The following CDH18 variants were observed in gnomAD, a reference collection of about 807,000 sequenced individuals.
The protein encoded by CDH18 is cadherin 18, also known as cadherin-18.
A neutral mutation model predicts 67.9 loss-of-function variants in CDH18; 31 were observed. That is an observed-to-expected ratio of 0.46 (90% CI 0.34 to 0.62). The LOEUF is 0.62. CDH18 is among the 20% of genes least tolerant of loss of function. The pLI is 0.01. For missense variants in CDH18, 890 were observed against 975.5 expected (o/e 0.91, Z 1.17); for synonymous variants, 362 against 347.2 (o/e 1.04, Z -0.48).
chr5:20,283,075 G>A (rs1367594769), intron 1 of CDH18, among the ~76,000 whole-genome samples: 1 of 151,968 alleles, frequency 6.6e-6, no homozygotes, highest in Non-Finnish European at 1.5e-5. Context: ...ATGCAGAAAA[G>A]TCAAACTAGA....
chr5:20,400,606 A>AT (rs2150128619), intron 1 of CDH18, among the ~76,000 whole-genome samples: 1 of 151,202 alleles, frequency 6.6e-6, no homozygotes, highest in East Asian at 1.9e-4. Flanking sequence ...TACAAAAAAA[A>AT]AAACCAGCGA....
intron 5 of CDH18, among the ~76,000 whole-genome samples, chr5:19,718,126 T>C (rs370344222): frequency 3.3e-5 from 5 of 151,966 alleles, no homozygotes; most frequent in South Asian, 4.1e-4. Context: ...TACTCAGAGA[T>C]GGTTTACAAA....
At chr5:19,482,143 T>C (rs1457641217) in intron 12 of CDH18, among the ~76,000 whole-genome samples, 1 of 151,968 alleles carries the variant, frequency 6.6e-6, no homozygotes, top group African/African-American at 2.4e-5. Context: ...TGAGACTGAG[T>C]CTCACTTTGT....
chr5:20,452,570 C>T (rs551022460), intron 1 of CDH18, among the ~76,000 whole-genome samples: 3 of 152,000 alleles, frequency 2.0e-5, no homozygotes, highest in African/African-American at 7.2e-5. Flanking sequence ...ACAACATGGA[C>T]GCCAAGATGG....
intron 2 of CDH18, among the ~76,000 whole-genome samples, chr5:20,239,490 C>T (rs1031075870): frequency 8.6e-5 from 13 of 151,760 alleles, no homozygotes; most frequent in South Asian, 2.1e-4. Flanking sequence ...AAAGAAGTTC[C>T]GGTAAATGCA....
chr5:19,774,426 T>TAAAA (rs146014082), intron 3 of CDH18, among the ~76,000 whole-genome samples: 1 of 139,450 alleles, frequency 7.2e-6, no homozygotes, highest in Non-Finnish European at 1.5e-5. Flanking sequence ...TAAAATAAAA[T>TAAAA]TAAAATAAAA....
At chr5:19,694,547 G>T (rs1762300113) in intron 5 of CDH18, among the ~76,000 whole-genome samples, 1 of 151,978 alleles carries the variant, frequency 6.6e-6, no homozygotes, top group Admixed American at 6.6e-5. Context: ...AATAATAACA[G>T]ATATTTAATA....
At chr5:19,623,982 CATTATTATTATTATT>C (rs70950078) in intron 5 of CDH18, among the ~76,000 whole-genome samples, 6 of 139,822 alleles carry the variant, frequency 4.3e-5, no homozygotes, top group Non-Finnish European at 6.1e-5. Flanking sequence ...TGTCACACTC[CATTATTATTATTATT>C]ATTATTATTA....
At chr5:20,236,596 TAAAC>T (rs1373104285) in intron 2 of CDH18, among the ~76,000 whole-genome samples, 6 of 151,976 alleles carry the variant, frequency 3.9e-5, no homozygotes, top group Admixed American at 1.3e-4. Flanking sequence ...TTGGATTAAA[TAAAC>T]AAATTCTATG....
intron 6 of CDH18, among the ~76,000 whole-genome samples, chr5:19,608,446 A>G (rs1047618981): frequency 2.0e-5 from 3 of 151,672 alleles, no homozygotes; most frequent in African/African-American, 4.8e-5. Flanking sequence ...TTAATGATGA[A>G]AATATTATAT....
chr5:20,020,779 C>A (rs1166502813), intron 2 of CDH18, among the ~76,000 whole-genome samples: 1 of 152,142 alleles, frequency 6.6e-6, no homozygotes, highest in Non-Finnish European at 1.5e-5. Context: ...TCTACTAGGG[C>A]TGTACAGAGG....
intron 9 of CDH18, among the ~76,000 whole-genome samples, chr5:19,524,316 ATATT>A (rs1160284967): frequency 6.7e-6 from 1 of 149,448 alleles, no homozygotes; most frequent in African/African-American, 2.4e-5. Flanking sequence ...TATTAATTAT[ATATT>A]ATATTGATAA....
At chr5:19,663,912 T>C (rs1244187798) in intron 5 of CDH18, among the ~76,000 whole-genome samples, 1 of 151,756 alleles carries the variant, frequency 6.6e-6, no homozygotes, top group Non-Finnish European at 1.5e-5. Context: ...GTACCATAAG[T>C]TACACATGTA....
intron 2 of CDH18, among the ~76,000 whole-genome samples, chr5:20,026,131 C>T (rs1379585972): frequency 6.6e-6 from 1 of 152,172 alleles, no homozygotes; most frequent in Non-Finnish European, 1.5e-5. Flanking sequence ...ATGTTAGTAG[C>T]ATGACCTGGG....
At chr5:19,787,759 G>A (rs1004192786) in intron 3 of CDH18, among the ~76,000 whole-genome samples, 8 of 150,068 alleles carry the variant, frequency 5.3e-5, no homozygotes, top group African/African-American at 9.8e-5. Context: ...AAAAAATAAT[G>A]GATGTAAGAC....
chr5:20,172,370 T>C (rs1736903986), intron 2 of CDH18, among the ~76,000 whole-genome samples: 1 of 150,792 alleles, frequency 6.6e-6, no homozygotes, highest in South Asian at 2.1e-4. Context: ...ATAATTGTTA[T>C]GCTCTTCTCA....
intron 1 of CDH18, among the ~76,000 whole-genome samples, chr5:20,525,070 A>G (rs1755968014): frequency 6.6e-6 from 1 of 152,282 alleles, no homozygotes; most frequent in Admixed American, 6.5e-5. Context: ...CTTGAATGCA[A>G]CAACCTGAGG....
At chr5:20,320,824 A>G (rs1229613059) in intron 1 of CDH18, among the ~76,000 whole-genome samples, 2 of 152,106 alleles carry the variant, frequency 1.3e-5, no homozygotes, top group African/African-American at 2.4e-5. Flanking sequence ...GATGGAGAAC[A>G]ACCACGGCCA....
intron 2 of CDH18, among the ~76,000 whole-genome samples, chr5:19,879,321 G>C (rs1017273447): frequency 6.6e-6 from 1 of 151,874 alleles, no homozygotes; most frequent in Non-Finnish European, 1.5e-5. Context: ...CCACATAACT[G>C]CTTGTTTTTC....
Sources: gnomAD v4.1 joint callset for allele counts (sites outside exome capture counted in the v4.1 genomes callset) on GRCh38, gnomAD v4.1.1 for gene constraint, MANE v1.5 for transcripts, NCBI Gene and HGNC (gene_info 2026-07-23, HGNC 2026-07-21) for gene names.